DET1: variants seen among roughly 807,000 people sequenced by gnomAD.
The protein encoded by DET1 is DET1 homolog.
In DET1, 22 loss-of-function variants were observed where a neutral mutation model predicts 43.7. The ratio of observed to expected loss-of-function variants is 0.50; its 90% CI spans 0.36 to 0.72. The LOEUF (loss-of-function observed/expected upper bound fraction) is 0.72. Among genes scored for constraint, DET1 ranks in the 30% least tolerant of loss-of-function variants. The probability of loss-of-function intolerance (pLI) is 0.00; values close to 1 mark genes in which losing one functional copy is unlikely to be tolerated. For missense variants in DET1, 713 were observed against 713.3 expected (o/e 1.00, Z 0.00); for synonymous variants, 315 against 266.2 (o/e 1.18, Z -1.79).
chr15:88,539,958 C>T (rs1206420239), intron 1 of DET1, among the ~76,000 whole-genome samples: 6 of 151,458 alleles, frequency 4.0e-5, no homozygotes, highest in African/African-American at 1.5e-4. Flanking sequence ...TGTAGGGAAA[C>T]CTACACCTGT....
At chr15:88,543,333 C>A (rs1371644788) in intron 1 of DET1, among the ~76,000 whole-genome samples, 1 of 152,228 alleles carries the variant, frequency 6.6e-6, no homozygotes, top group African/African-American at 2.4e-5. Context: ...TTAACCCTTA[C>A]AGCTCCTCAT....
intron 4 of DET1, among the ~76,000 whole-genome samples, chr15:88,513,519 AAAAAAT>A (rs1452906190): frequency 2.0e-5 from 3 of 152,172 alleles, no homozygotes; most frequent in African/African-American, 7.2e-5. Context: ...AGCCATATTA[AAAAAAT>A]AAAAATAAAA....
chr15:88,520,352 A>G (rs1056514053), intron 3 of DET1, among the ~76,000 whole-genome samples: 4 of 152,212 alleles, frequency 2.6e-5, no homozygotes, highest in African/African-American at 9.6e-5. Flanking sequence ...CCCACCCTAA[A>G]GAGGCTTTCA....
Position 88,519,026 on chromosome 15 carries a change from C to T in DET1, c.1272-2053G>A, listed in dbSNP as rs189884512. Among the ~76,000 whole-genome samples, 17 of 152,218 alleles carry T rather than the reference C, an allele frequency of 1.1e-4. 1 individual carries two copies. The East Asian group carries it at 2.5e-3, about 22-fold the overall frequency. ...CTGAAATAAAAGATCCTGGGCACTT[C>T]GGTTTTCAGCAAGACCTGGCACCAT... On this transcript the variant is annotated intron_variant, in intron 3 of 4. Transcript: ENST00000268148.
At chr15:88,534,276 G>C (rs371806476) in intron 1 of DET1, among the ~76,000 whole-genome samples, 1 of 152,160 alleles carries the variant, frequency 6.6e-6, no homozygotes, top group Non-Finnish European at 1.5e-5. Flanking sequence ...GCTGTTGCCA[G>C]ATAAGATGGA....
At position 88,513,062 on chromosome 15, in the gene DET1, C is replaced by G; in HGVS notation, c.1542G>C (p.Val514=). Residue 514 remains valine (V), a synonymous_variant, in exon 5 of 5, where the codon GTG becomes GTC. Transcript: ENST00000268148. The part of the protein sequence containing the change: ...GLLGRPINHT[V]RRLVAFTFHP... ...GAAAGGTGAAGGCAACAAGGCGTCG[C>G]ACTGTGTGGTTGATGGGGCGGCCCA... 2 of 1,614,084 alleles carry G rather than the reference C, an allele frequency of 1.2e-6. No individual in the cohort carries two copies. Among genetic ancestry groups the G allele is most frequent in the Non-Finnish European group, 1.7e-6 (2 of 1,179,906 alleles).
rs753146097 is a variant in DET1, at chr15:88,516,766, A to G, written c.1463+16T>C. 1 of 1,535,274 alleles carries G rather than the reference A, an allele frequency of 6.5e-7. No individual in the cohort carries two copies. The highest frequency in any genetic ancestry group is 1.4e-5 in the African/African-American group (1 of 70,630). Reference sequence around the variant, plus strand: ...CAGCCCTTGAGCAGTTTGTAGCTATAGCAGTGACACTGTACCTGATTGGGT... The same window carrying G: ...CAGCCCTTGAGCAGTTTGTAGCTATGGCAGTGACACTGTACCTGATTGGGT... On this transcript the variant is annotated intron_variant, in intron 4 of 4. Coordinates refer to ENST00000268148, the MANE Select transcript of DET1 (RefSeq NM_001144074.3). This position sits in a 1 kb window ranked among gnomAD's most constrained non-coding sequence, Gnocchi z 4.4.
downstream of DET1, among the ~76,000 whole-genome samples, chr15:88,509,192 C>T (rs116429238): frequency 3.7e-3 from 560 of 152,264 alleles, 3 homozygotes; most frequent in African/African-American, 0.013. Flanking sequence ...AAAAGGGTGT[C>T]GCTCTGTTGC....
intron 1 of DET1, among the ~76,000 whole-genome samples, chr15:88,539,767 T>G (rs1018811564): frequency 1.1e-4 from 17 of 152,234 alleles, no homozygotes; most frequent in South Asian, 2.1e-4. Context: ...AACATTCATC[T>G]GATTGAAATC....
intron 1 of DET1, among the ~76,000 whole-genome samples, chr15:88,534,482 G>T (rs1295598227): frequency 6.6e-6 from 1 of 152,182 alleles, no homozygotes; most frequent in Non-Finnish European, 1.5e-5. Context: ...GATAATTAAA[G>T]CCCCAATTTT....
intron 8 of DET1, chr15:88,502,564 G>C (rs557952059): frequency 8.5e-4 from 129 of 152,364 alleles, no homozygotes; most frequent in African/African-American, 3.1e-3. Context: ...CTGCTCACTA[G>C]AGTTAATGTG....
At chr15:88,537,256 T>C (rs2056977199) in intron 1 of DET1, among the ~76,000 whole-genome samples, 1 of 152,210 alleles carries the variant, frequency 6.6e-6, no homozygotes, top group African/African-American at 2.4e-5. Context: ...TCAATTATAT[T>C]GGAGTTACAT....
downstream of DET1, among the ~76,000 whole-genome samples, chr15:88,507,657 T>C (rs2056155523): frequency 6.6e-6 from 1 of 152,228 alleles, no homozygotes; most frequent in Non-Finnish European, 1.5e-5. Context: ...TCTGGGAACA[T>C]TTCTTTTTTG....
chr15:88,537,299 C>G (rs2056977997), intron 1 of DET1, among the ~76,000 whole-genome samples: 1 of 152,174 alleles, frequency 6.6e-6, no homozygotes, highest in African/African-American at 2.4e-5. Context: ...GTATACTGAT[C>G]TAGACTAGAG....
At position 88,539,094 on chromosome 15, in the gene DET1, G is replaced by GCT. The variant is rs35379111; in HGVS notation, c.-10-7381_-10-7380dup. On this transcript the variant is annotated intron_variant, in intron 1 of 4. Transcript: ENST00000268148. ...GCTGAGCCTTGGTTTCTGGCAGACC[G>GCT]CTCTCTCTCTCTCTCTCTCTCTTTC... 8.8e-4 allele frequency among the ~76,000 whole-genome samples: 131 copies of GCT among 148,102 alleles called. 2 individuals are homozygous for GCT. Among genetic ancestry groups the GCT allele is most frequent in the African/African-American group, 1.9e-3 (75 of 40,000 alleles).
chr15:88,516,733 G>C lies in DET1; in HGVS notation c.1463+49C>G, dbSNP rs754767937. On this transcript the variant is annotated intron_variant, in intron 4 of 4. Coordinates refer to ENST00000268148, the MANE Select transcript of DET1 (RefSeq NM_001144074.3). The surrounding 1 kb of genome is among the most constrained non-coding windows in gnomAD (Gnocchi z 4.4). The stretch of plus-strand genomic sequence containing the variant: ...CCAGAAAAAGAGAAAAAGAAAGCAG[G>C]CCATCTTCAGCCCTTGAGCAGTTTG... The C allele has an allele frequency of 2.1e-6, 3 of 1,407,310 alleles. No homozygotes were observed. The South Asian group carries it at 4.8e-5, about 23-fold the overall frequency. The allele number at this position is 1,407,310 out of a possible 1,614,324, so 87.2% of individuals were successfully genotyped here.
At position 88,516,592 on chromosome 15, in the gene DET1, A is replaced by G. The variant is rs1199568479; in HGVS notation, c.1463+190T>C. On this transcript the variant is annotated intron_variant, in intron 4 of 4. Coordinates refer to ENST00000268148, the MANE Select transcript of DET1 (RefSeq NM_001144074.3). The surrounding 1 kb of genome is among the most constrained non-coding windows in gnomAD (Gnocchi z 4.4). ...GATGTTCTGATGAGAAGCAAAGAGT[A>G]GGAATAATTTAGGAGACTAGCACCT... is the stretch of plus-strand genomic sequence containing the variant. 6.6e-6 allele frequency among the ~76,000 whole-genome samples: 1 copy of G among 152,258 alleles called. No homozygotes were observed. Among genetic ancestry groups the G allele is most frequent in the Non-Finnish European group, 1.5e-5 (1 of 68,040 alleles).
downstream of DET1, among the ~76,000 whole-genome samples, chr15:88,507,694 C>G (rs11634095): frequency 3.3e-5 from 5 of 152,080 alleles, no homozygotes; most frequent in South Asian, 2.1e-4. Context: ...AACATGTATC[C>G]CACATTTCCA....
chr15:88,522,923 C>G (rs928650961), intron 3 of DET1, among the ~76,000 whole-genome samples: 52 of 150,118 alleles, frequency 3.5e-4, no homozygotes, highest in South Asian at 1.1e-3. Context: ...ACTTTGTCAC[C>G]TACTCTGGAA....
Sources: gnomAD v4.1 joint callset for allele counts (sites outside exome capture counted in the v4.1 genomes callset) on GRCh38, gnomAD v4.1.1 for gene constraint, Gnocchi (gnomAD v3.1) non-coding constraint, MANE v1.5 for transcripts, NCBI Gene and HGNC (gene_info 2026-07-23, HGNC 2026-07-21) for gene names.